The following WHAMM variants were observed in gnomAD, a reference collection of about 807,000 sequenced individuals.
The protein encoded by WHAMM is WASP homolog-associated protein with actin, membranes and microtubules.
A neutral mutation model predicts 76.5 loss-of-function variants in WHAMM; 67 were observed. The observed-to-expected ratio is 0.88, with a 90% CI of 0.72 to 1.07. WHAMM has a LOEUF of 1.07. Ranked by LOEUF, WHAMM falls within the 50% of genes least tolerant of loss-of-function variation. WHAMM has a pLI of 0.00. For synonymous variants in WHAMM, 419 were observed against 422.1 expected, an observed-to-expected ratio of 0.99 and a Z score of 0.09; for missense variants, 1,021 against 1,051.1, an observed-to-expected ratio of 0.97 and a Z score of 0.40.
At chr15:82,813,364 T>C in intron 2 of WHAMM, 88 bp downstream of exon 2, 1 of 1,191,370 alleles carries the variant, frequency 8.4e-7, no homozygotes, top group South Asian at 1.8e-5. Context: ...AATCTCTGTT[T>C]GTACTTTGTT....
intron 8 of WHAMM, among the ~76,000 whole-genome samples, chr15:82,827,941 C>T (rs1212284035): frequency 2.0e-5 from 3 of 151,608 alleles, no homozygotes; most frequent in Non-Finnish European, 4.4e-5. Context: ...TGAGACTCTT[C>T]TGTCTCAAAA....
chr15:82,811,311 A>T (rs1023016476), intron 1 of WHAMM, among the ~76,000 whole-genome samples: 4 of 152,064 alleles, frequency 2.6e-5, no homozygotes, highest in African/African-American at 9.7e-5. Context: ...TTTGATCTTC[A>T]ACTTTATCGT....
Position 82,810,241 on chromosome 15 carries a change from C to G in WHAMM, c.515C>G (p.Ala172Gly). 3 of 1,402,752 alleles carry G rather than the reference C, an allele frequency of 2.1e-6. No homozygotes were observed. In the South Asian group the frequency reaches 4.4e-5, roughly 20 times the overall value. The allele number at this position is 1,402,752 out of a possible 1,614,324, so 86.9% of individuals were successfully genotyped here. A position where few individuals can be genotyped will look rare whatever the true frequency, so the allele number is the denominator to read the frequency against. ...GATVRDALFP[A>G]EGGAADCESP... ...ACAGTGCGCGACGCACTCTTCCCGG[C>G]TGAGGGCGGCGCGGCCGACTGCGAA... Residue 172 changes from alanine to glycine, a missense_variant, in exon 1 of 10, where the codon GCT (alanine) becomes GGT (glycine). Ala to Gly is a moderately conservative substitution (Grantham distance 60). Coordinates refer to ENST00000286760, the MANE Select transcript of WHAMM (RefSeq NM_001080435.3).
In WHAMM at chr15:82,830,889, TCCA is replaced by T. The variant is rs200993177; in HGVS notation, c.1944_1946del (p.Pro658del). ...TGTCACTGCCACCACCTCCTCCTCCTCCACCACCACCACCGCCGCCACCGCCGC... is the reference window on the plus strand; with the variant it reads ...TGTCACTGCCACCACCTCCTCCTCCTCCACCACCACCGCCGCCACCGCCGC... On this transcript the variant is annotated inframe_deletion, in exon 9 of 10. Coordinates refer to ENST00000286760, the MANE Select transcript of WHAMM (RefSeq NM_001080435.3). The T allele has an allele frequency of 1.9e-5, 30 of 1,571,568 alleles. No individual in the cohort carries two copies. The highest frequency in any genetic ancestry group is 1.9e-4 in the African/African-American group (14 of 73,948).
chr15:82,811,758 C>G (rs954458169), intron 1 of WHAMM, among the ~76,000 whole-genome samples: 72 of 151,828 alleles, frequency 4.7e-4, no homozygotes, highest in African/African-American at 1.6e-3. Flanking sequence ...TGGAATTTTT[C>G]TGAATAGTTT....
rs776833355 is a variant in WHAMM, at chr15:82,835,125, GTTTT to G, written c.*1593_*1596del. The G allele has an allele frequency of 7.1e-5, 6 of 84,866 alleles. No homozygotes were observed. The highest frequency in any genetic ancestry group is 3.8e-4 in the Admixed American group (3 of 7,948). 5.3% of individuals were successfully genotyped at this position (84,866 alleles called of 1,614,324 possible). ...ATAGAACAGAAATCTTCCTACTTCA[GTTTT>G]TTTGTTTTTTTTTTTGAGACAGAGT... On this transcript the variant is annotated 3_prime_UTR_variant, in exon 10 of 10. Coordinates refer to ENST00000286760, the MANE Select transcript of WHAMM (RefSeq NM_001080435.3).
chr15:82,829,557 G>T (rs1236888442), intron 8 of WHAMM, among the ~76,000 whole-genome samples: 2 of 152,220 alleles, frequency 1.3e-5, no homozygotes, highest in African/African-American at 4.8e-5. Context: ...TCTGCATCAG[G>T]GAGGTTTGGG....
intron 8 of WHAMM, among the ~76,000 whole-genome samples, chr15:82,828,246 C>T (rs149604706): frequency 6.6e-6 from 1 of 152,312 alleles, no homozygotes; most frequent in African/African-American, 2.4e-5. Flanking sequence ...GTTGGTTACA[C>T]AACTTAGTTC....
intron 8 of WHAMM, 31 bp downstream of exon 8, chr15:82,826,877 A>G: frequency 6.6e-7 from 1 of 1,521,022 alleles, no homozygotes; most frequent in Non-Finnish European, 8.8e-7. Context: ...CCTCATCTAC[A>G]CTTCTGGGGA....
chr15:82,829,391 TTCAGGGAACCCCAGCA>T (rs1443003325), intron 8 of WHAMM, among the ~76,000 whole-genome samples: 9 of 152,178 alleles, frequency 5.9e-5, no homozygotes, highest in Non-Finnish European at 1.2e-4. Flanking sequence ...CCTTGGGTGG[TTCAGGGAACCCCAGCA>T]TCAGGGATGA....
At position 82,833,242 on chromosome 15, in the gene WHAMM, A is replaced by C. The variant is rs903000540; in HGVS notation, c.2136A>C (p.Glu712Asp). The C allele has an allele frequency of 6.2e-7, 1 of 1,613,564 alleles. No homozygotes were observed. Among genetic ancestry groups the C allele is most frequent in the Non-Finnish European group, 8.5e-7 (1 of 1,179,720 alleles). The change falls in exon 10 of 10, where the codon GAA becomes GAC. Residue 712 changes from glutamate (E) to aspartate (D), a missense_variant. Around this residue, in one of 3 missense-constraint regions of WHAMM, gnomAD observed 509 missense variants for 492.3 expected, o/e 1.03. Coordinates refer to ENST00000286760, the MANE Select transcript of WHAMM (RefSeq NM_001080435.3). The part of the protein sequence containing the change: ...ESFSCPGSMD[E>D]VLASLRHGRA... ...ATTCAATTTCAGGATCTATGGATGA[A>C]GTGTTGGCCTCCTTAAGGCATGGCA...
intron 5 of WHAMM, among the ~76,000 whole-genome samples, chr15:82,821,183 C>T (rs2050820819): frequency 6.6e-6 from 1 of 152,122 alleles, no homozygotes; most frequent in Non-Finnish European, 1.5e-5. Context: ...TATTGTCTGT[C>T]ATATGTTGCA....
At chr15:82,815,867 A>G (rs900780467) in intron 2 of WHAMM, among the ~76,000 whole-genome samples, 2 of 152,244 alleles carry the variant, frequency 1.3e-5, no homozygotes, top group Non-Finnish European at 2.9e-5. Context: ...ATTGGATGAC[A>G]TAGCAGTACA....
intron 6 of WHAMM, among the ~76,000 whole-genome samples, chr15:82,824,268 C>T (rs929276303): frequency 1.3e-5 from 2 of 149,450 alleles, no homozygotes; most frequent in African/African-American, 4.9e-5. Flanking sequence ...AGCGAGTCTT[C>T]TGCCTCAGCC....
In WHAMM at chr15:82,813,186, G is replaced by A. The variant is rs371466044; in HGVS notation, c.693G>A (p.Leu231=). 6.2e-7 allele frequency: 1 copy of A among 1,613,022 alleles called. No homozygotes were observed. Among genetic ancestry groups the A allele is most frequent in the African/African-American group, 1.3e-5 (1 of 75,022 alleles). The change falls in exon 2 of 10, where the codon TTG becomes TTA. Residue 231 remains leucine (L), a synonymous_variant. Coordinates refer to ENST00000286760, the MANE Select transcript of WHAMM (RefSeq NM_001080435.3). ...AGGAAGATGAAGCATACCAGGAATTGGTTACCGTGGCAACCATGTTCTTCC... is the reference window on the plus strand; with the variant it reads ...AGGAAGATGAAGCATACCAGGAATTAGTTACCGTGGCAACCATGTTCTTCC... ...YQEEDEAYQE[L]VTVATMFFQY...
In WHAMM at chr15:82,815,111, T is replaced by TTATATA. The variant is rs147147568; in HGVS notation, c.784-1542_784-1537dup. On this transcript the variant is annotated intron_variant, in intron 2 of 9. Transcript: ENST00000286760. ...TGTTTTAAGATATCACTCACAGATT[T>TTATATA]TATATATATATATATATATATATAT... Among the ~76,000 whole-genome samples, 465 of 49,538 alleles carry TTATATA rather than the reference T, an allele frequency of 9.4e-3. 18 individuals carry two copies. Among genetic ancestry groups the TTATATA allele is most frequent in the South Asian group, 0.015 (15 of 1,004 alleles). 32.5% of individuals were successfully genotyped at this position (49,538 alleles called of 152,430 possible). A position where few individuals can be genotyped will look rare whatever the true frequency, so the allele number is the denominator to read the frequency against.
intron 2 of WHAMM, among the ~76,000 whole-genome samples, chr15:82,814,761 CCTTT>C (rs1359916019): frequency 7.1e-6 from 1 of 140,784 alleles, no homozygotes; most frequent in Non-Finnish European, 1.5e-5. Context: ...CTATATTTTT[CCTTT>C]CTTTTTTTTT....
rs749150277 is a variant in WHAMM, at chr15:82,810,269, C to T, written c.543C>T (p.Ser181=). 2.2e-6 allele frequency: 3 copies of T among 1,378,288 alleles called. No individual in the cohort carries two copies. Among genetic ancestry groups the T allele is most frequent in the South Asian group, 3.2e-5 (2 of 61,764 alleles). 85.4% of individuals were successfully genotyped at this position (1,378,288 alleles called of 1,614,324 possible). A position where few individuals can be genotyped will look rare whatever the true frequency, so the allele number is the denominator to read the frequency against. Reference sequence around the variant, plus strand: ...AGGGCGGCGCGGCCGACTGCGAAAGCCCGCGCGAGTTCCGGGAGCGGGCCT... The same window carrying T: ...AGGGCGGCGCGGCCGACTGCGAAAGTCCGCGCGAGTTCCGGGAGCGGGCCT... ...PAEGGAADCE[S]PREFRERALR... is the part of the protein sequence containing the mutation. Residue 181 remains serine (S), a synonymous_variant, in exon 1 of 10, where the codon AGC becomes AGT. Transcript: ENST00000286760.
intron 2 of WHAMM, among the ~76,000 whole-genome samples, chr15:82,814,585 G>A (rs1285716542): frequency 1.3e-5 from 2 of 151,582 alleles, no homozygotes; most frequent in African/African-American, 4.8e-5. Context: ...CGAGTAGCTG[G>A]GATTACAGGC....
Sources: gnomAD v4.1 joint callset for allele counts (sites outside exome capture counted in the v4.1 genomes callset) on GRCh38, gnomAD v4.1.1 for gene constraint, gnomAD v4.1.1 regional missense constraint, MANE v1.5 for transcripts, NCBI Gene and HGNC (gene_info 2026-07-23, HGNC 2026-07-21) for gene names.